MCTP1: variants seen among roughly 807,000 people sequenced by gnomAD.
MCTP1 encodes the protein multiple C2 and transmembrane domain-containing protein 1.
Under a neutral mutation model 120.6 loss-of-function variants are expected in MCTP1, and 69 were observed. That is an observed-to-expected ratio of 0.57 (90% CI 0.47 to 0.70). The LOEUF (loss-of-function observed/expected upper bound fraction) is 0.70, where lower values mean the gene tolerates loss of function less well. Among genes scored for constraint, MCTP1 ranks in the 30% least tolerant of loss-of-function variants. MCTP1 has a pLI of 0.00. For synonymous variants in MCTP1, 529 were observed against 493.1 expected (o/e 1.07, Z -0.96); for missense variants, 1,203 against 1,248.8 (o/e 0.96, Z 0.55).
At chr5:95,252,828 A>G (rs1195159402) in intron 1 of MCTP1, among the ~76,000 whole-genome samples, 1 of 152,132 alleles carries the variant, frequency 6.6e-6, no homozygotes, top group East Asian at 1.9e-4. Flanking sequence ...AAAAGTATCT[A>G]GATAGGGCAG....
At chr5:95,110,352 T>C (rs1328802722) in intron 1 of MCTP1, among the ~76,000 whole-genome samples, 1 of 152,066 alleles carries the variant, frequency 6.6e-6, no homozygotes, top group African/African-American at 2.4e-5. Context: ...GTATTAGAGA[T>C]GTGTGTCACT....
At chr5:94,785,427 C>G (rs926823490) in intron 18 of MCTP1, among the ~76,000 whole-genome samples, 1 of 151,924 alleles carries the variant, frequency 6.6e-6, no homozygotes, top group Non-Finnish European at 1.5e-5. Context: ...AACTATTAAC[C>G]TGGAATGTGC....
chr5:94,827,969 TA>T (rs963410290), intron 17 of MCTP1, among the ~76,000 whole-genome samples: 7 of 151,636 alleles, frequency 4.6e-5, no homozygotes, highest in Admixed American at 3.9e-4. Context: ...TACTATTCGT[TA>T]AACTCATTTT....
chr5:95,167,368 T>C (rs929496415), intron 1 of MCTP1, among the ~76,000 whole-genome samples: 4 of 152,240 alleles, frequency 2.6e-5, no homozygotes, highest in South Asian at 2.1e-4. Flanking sequence ...GCAATAAACA[T>C]ACATGTGCAC....
intron 19 of MCTP1, among the ~76,000 whole-genome samples, chr5:94,752,059 G>C (rs1437271635): frequency 7.2e-6 from 1 of 137,950 alleles, no homozygotes. Context: ...GTATACATAT[G>C]TAACTAACCT....
rs186041154 is a variant in MCTP1 at position 94,713,659 on chromosome 5, G to A, written c.2720+1118C>T. On this transcript the variant is annotated intron_variant, in intron 20 of 22. Coordinates refer to ENST00000515393, the MANE Select transcript of MCTP1 (RefSeq NM_024717.7). ...AGGAAGAAGGAGAGAGAAAAGATAC[G>A]GGAATAGTCTTCTGAAATCCAAGAC... 8.3e-4 allele frequency among the ~76,000 whole-genome samples: 127 copies of A among 152,200 alleles called. 1 individual carries two copies. The highest frequency in any genetic ancestry group is 2.6e-3 in the African/African-American group (110 of 41,522).
chr5:94,790,170 CTGA>C (rs1305470557), intron 18 of MCTP1, among the ~76,000 whole-genome samples: 1 of 152,166 alleles, frequency 6.6e-6, no homozygotes, highest in East Asian at 1.9e-4. Context: ...TAGGAGTGCT[CTGA>C]TGAGAGGAAA....
rs766354945 is a variant in MCTP1, at chr5:95,166,151, C to T, written c.720+117705G>A. The stretch of plus-strand genomic sequence containing the variant: ...TTGCTCCCATACGACCAACAGTGAG[C>T]TCCAGTGTTGTATAGGTGAAAACTG... On this transcript the variant is annotated intron_variant, in intron 1 of 22. Transcript: ENST00000515393. 3.3e-5 allele frequency: 5 copies of T among 152,208 alleles called. No homozygotes were observed. The East Asian group carries it at 9.6e-4, about 29-fold the overall frequency. 9.4% of individuals were successfully genotyped at this position (152,208 alleles called of 1,614,324 possible).
chr5:95,133,872 G>A (rs1363696100), intron 1 of MCTP1, among the ~76,000 whole-genome samples: 2 of 151,920 alleles, frequency 1.3e-5, no homozygotes, highest in African/African-American at 2.4e-5. Flanking sequence ...TTTCTTCTAC[G>A]GAAAGAAAAA....
intron 17 of MCTP1, among the ~76,000 whole-genome samples, chr5:94,841,556 C>A (rs977252350): frequency 6.6e-6 from 1 of 152,178 alleles, no homozygotes; most frequent in East Asian, 1.9e-4. Flanking sequence ...AGACACATCT[C>A]TGATCAACAG....
chr5:94,725,301 A>G (rs940160576), intron 19 of MCTP1, among the ~76,000 whole-genome samples: 5 of 152,264 alleles, frequency 3.3e-5, no homozygotes, highest in South Asian at 2.1e-4. Context: ...TCTGCCCTTC[A>G]GAGTCCATTG....
intron 1 of MCTP1, among the ~76,000 whole-genome samples, chr5:95,166,489 A>T (rs162475): frequency 6.6e-6 from 1 of 151,568 alleles, no homozygotes; most frequent in African/African-American, 2.4e-5. Context: ...TCCATAATTC[A>T]TATTACTTTT....
intron 1 of MCTP1, among the ~76,000 whole-genome samples, chr5:95,093,046 A>T (rs1755966034): frequency 1.3e-5 from 2 of 152,228 alleles, no homozygotes; most frequent in Admixed American, 6.5e-5. Context: ...TATTTGAGAT[A>T]ATTGTTTTGC....
chr5:94,706,308 CTA>C lies in MCTP1; in HGVS notation c.*1186_*1187del, dbSNP rs767191350. ...TATACCAGGGAGTGAGATATAAAAA[CTA>C]CTTTAAGAGTCTTGGGAATGCAATT... On this transcript the variant is annotated 3_prime_UTR_variant, in exon 23 of 23. Transcript: ENST00000515393. 12 of 151,606 alleles carry C rather than the reference CTA, an allele frequency of 7.9e-5. No individual in the cohort carries two copies. The highest frequency in any genetic ancestry group is 1.8e-4 in the Non-Finnish European group (12 of 67,732). 9.4% of individuals were successfully genotyped at this position (151,606 alleles called of 1,614,324 possible).
At chr5:95,130,283 A>G (rs1048227697) in intron 1 of MCTP1, among the ~76,000 whole-genome samples, 1 of 152,136 alleles carries the variant, frequency 6.6e-6, no homozygotes, top group Non-Finnish European at 1.5e-5. Flanking sequence ...CGTGTCTCCT[A>G]TCTCCTACCT....
intron 1 of MCTP1, among the ~76,000 whole-genome samples, chr5:95,088,725 C>G (rs979969684): frequency 6.6e-6 from 1 of 152,186 alleles, no homozygotes; most frequent in African/African-American, 2.4e-5. Flanking sequence ...ACTGTTCTAA[C>G]TACTTTACCA....
intron 19 of MCTP1, among the ~76,000 whole-genome samples, chr5:94,757,778 G>C (rs540594967): frequency 9.2e-5 from 14 of 152,324 alleles, no homozygotes; most frequent in African/African-American, 3.4e-4. Flanking sequence ...AGATTCTGGA[G>C]TTCTCTCCAC....
intron 22 of MCTP1, among the ~76,000 whole-genome samples, chr5:94,708,073 C>T (rs11951447): frequency 0.015 from 2,345 of 151,970 alleles, 65 homozygotes; most frequent in African/African-American, 0.053. Flanking sequence ...CTTCAAAAAG[C>T]AGTCAGCTTT....
intron 1 of MCTP1, among the ~76,000 whole-genome samples, chr5:95,260,583 A>ATATATG (rs1235303280): frequency 6.6e-6 from 1 of 152,172 alleles, no homozygotes; most frequent in East Asian, 1.9e-4. Flanking sequence ...GTGTAAATAT[A>ATATATG]TATATGTATA....
Sources: allele counts gnomAD v4.1 joint callset (sites outside exome capture counted in the v4.1 genomes callset), GRCh38; gene constraint gnomAD v4.1.1; transcripts MANE v1.5; gene names NCBI Gene and HGNC (gene_info 2026-07-23, HGNC 2026-07-21).